Variants in POU5F2 observed in about 807,000 individuals in gnomAD.
POU5F2 encodes the protein POU domain class 5, transcription factor 2.
For synonymous variants in POU5F2, 191 were observed against 178.7 expected (o/e 1.07, Z -0.55); for missense variants, 401 against 426.6 (o/e 0.94, Z 0.53).
rs1580973104 is a variant in POU5F2 at position 93,737,816 on chromosome 5, T to C, written c.*2761A>G. 1.0e-5 allele frequency: 4 copies of C among 400,406 alleles called. No individual in the cohort carries two copies. Among genetic ancestry groups the C allele is most frequent in the Non-Finnish European group, 1.5e-5 (3 of 206,280 alleles). The allele number at this position is 400,406 out of a possible 1,614,324, so 24.8% of individuals were successfully genotyped here. A position where few individuals can be genotyped will look rare whatever the true frequency, so the allele number is the denominator to read the frequency against. The stretch of plus-strand genomic sequence containing the variant: ...AGAATGAAGTTGGGCACTTACCTCA[T>C]ACCGTATACAAAAATTAACTTGAAA... On this transcript the variant is annotated 3_prime_UTR_variant, in exon 1 of 1. Transcript: ENST00000606183.
rs1208353251 is a variant in POU5F2 at position 93,738,706 on chromosome 5, A to G, written c.*1871T>C. The G allele has an allele frequency of 6.6e-6, 1 of 152,244 alleles. No homozygotes were observed. The highest frequency in any genetic ancestry group is 1.5e-5 in the Non-Finnish European group (1 of 68,052). 9.4% of individuals were successfully genotyped at this position (152,244 alleles called of 1,614,324 possible). On this transcript the variant is annotated 3_prime_UTR_variant, in exon 1 of 1. Coordinates refer to ENST00000606183, the MANE Select transcript of POU5F2 (RefSeq NM_153216.2). The stretch of plus-strand genomic sequence containing the variant: ...GTGCTAAGTGAAATAAGCCAGATAC[A>G]AAAGGTCAAATGTTGTATGGTTCCA...
chr5:93,734,499 AC>A lies in POU5F2; in HGVS notation c.*6077del, dbSNP rs1385686667. Reference sequence around the variant, plus strand: ...ATCTTTAAAGAAAATGCACATATGTACAAAAACATTATTCTGCTTATACTCT... The same window carrying A: ...ATCTTTAAAGAAAATGCACATATGTAAAAAACATTATTCTGCTTATACTCT... On this transcript the variant is annotated 3_prime_UTR_variant, in exon 1 of 1. Transcript: ENST00000606183. The A allele has an allele frequency of 6.6e-6, 1 of 152,232 alleles. No homozygotes were observed. Among genetic ancestry groups the A allele is most frequent in the African/African-American group, 2.4e-5 (1 of 41,456 alleles). The allele number at this position is 152,232 out of a possible 1,614,324, so 9.4% of individuals were successfully genotyped here.
In POU5F2 at chr5:93,740,457, C is replaced by T. The variant is rs1748148437; in HGVS notation, c.*120G>A. ...ATTCCCTACTATGTATCCTTAACTTCTTTAGACAGTGAATGAGAAATTAAT... is the reference window on the plus strand; with the variant it reads ...ATTCCCTACTATGTATCCTTAACTTTTTTAGACAGTGAATGAGAAATTAAT... On this transcript the variant is annotated 3_prime_UTR_variant, in exon 1 of 1. Coordinates refer to ENST00000606183, the MANE Select transcript of POU5F2 (RefSeq NM_153216.2). 2 of 1,142,528 alleles carry T rather than the reference C, an allele frequency of 1.8e-6. No homozygotes were observed. The highest frequency in any genetic ancestry group is 2.5e-5 in the Admixed American group (1 of 40,228). 70.8% of individuals were successfully genotyped at this position (1,142,528 alleles called of 1,614,324 possible).
Position 93,736,349 on chromosome 5 carries a change from T to C in POU5F2, c.*4228A>G, listed in dbSNP as rs549733692. Reference sequence around the variant, plus strand: ...ATTTGTTTATAATTAAGTAATCTTTTTAAAGAGTTAGAAGAATGTAAGTGC... The same window carrying C: ...ATTTGTTTATAATTAAGTAATCTTTCTAAAGAGTTAGAAGAATGTAAGTGC... On this transcript the variant is annotated 3_prime_UTR_variant, in exon 1 of 1. Coordinates refer to ENST00000606183, the MANE Select transcript of POU5F2 (RefSeq NM_153216.2). 1.3e-5 allele frequency: 2 copies of C among 152,322 alleles called. No individual in the cohort carries two copies. The highest frequency in any genetic ancestry group is 4.8e-5 in the African/African-American group (2 of 41,576). The allele number at this position is 152,322 out of a possible 1,614,324, so 9.4% of individuals were successfully genotyped here.
rs982726450 is a variant in POU5F2 at position 93,739,803 on chromosome 5, G to A, written c.*774C>T. 6.6e-6 allele frequency: 1 copy of A among 152,068 alleles called. No individual in the cohort carries two copies. The highest frequency in any genetic ancestry group is 1.5e-5 in the Non-Finnish European group (1 of 68,026). The allele number at this position is 152,068 out of a possible 1,614,324, so 9.4% of individuals were successfully genotyped here. The stretch of plus-strand genomic sequence containing the variant: ...GAAATTCCCAGGGAACCAAATAGAG[G>A]TGAAAACAGGAGGAGTAAGCTACAG... On this transcript the variant is annotated 3_prime_UTR_variant, in exon 1 of 1. Transcript: ENST00000606183.
At chr5:93,741,548 GC>G in the POU5F2 span, 15 of 1,576,406 alleles carry the variant, frequency 9.5e-6, no homozygotes, top group Non-Finnish European at 1.3e-5. Context: ...TGGTTTGAGG[GC>G]CTGTGTCCGG....
Position 93,740,679 on chromosome 5 carries a change from T to G in POU5F2, c.885A>C (p.Gly295=). 1 of 1,613,904 alleles carries G rather than the reference T, an allele frequency of 6.2e-7. No individual in the cohort carries two copies. The highest frequency in any genetic ancestry group is 8.5e-7 in the Non-Finnish European group (1 of 1,179,860). ...CPGAPVCFHL[G]LGLPVDIPHY... ...GGGGGATATCCACTGGGAGCCCCAG[T>G]CCCAGGTGAAAGCACACTGGTGCTC... Residue 295 remains glycine (G), a synonymous_variant, in exon 1 of 1, where the codon GGA becomes GGC. Coordinates refer to ENST00000606183, the MANE Select transcript of POU5F2 (RefSeq NM_153216.2).
Position 93,741,546 on chromosome 5 carries a change from G to A in POU5F2, c.18C>T (p.Pro6=), listed in dbSNP as rs557446896. 3.8e-6 allele frequency: 6 copies of A among 1,581,902 alleles called. No homozygotes were observed. In the Admixed American group the frequency reaches 7.2e-5, roughly 19 times the overall value. MAGHR[P]SNHFCPLPGS... is the part of the protein sequence containing the mutation. ...CTGGAAGGGGGCAGAAGTGGTTTGA[G>A]GGCCTGTGTCCGGCCATGGGTGGAA... Residue 6 remains proline, a synonymous_variant, in exon 1 of 1, where the codon CCC becomes CCT. Coordinates refer to ENST00000606183, the MANE Select transcript of POU5F2 (RefSeq NM_153216.2).
chr5:93,738,662 A>G lies in POU5F2; in HGVS notation c.*1915T>C, dbSNP rs1236325053. ...ATGAAGTTCTGATACACACTACAAC[A>G]CAGATGAACCTTGAAAATGTGCTAA... is the stretch of plus-strand genomic sequence containing the variant. On this transcript the variant is annotated 3_prime_UTR_variant, in exon 1 of 1. Coordinates refer to ENST00000606183, the MANE Select transcript of POU5F2 (RefSeq NM_153216.2). 6.6e-6 allele frequency: 1 copy of G among 152,244 alleles called. No individual in the cohort carries two copies. The highest frequency in any genetic ancestry group is 1.9e-4 in the East Asian group (1 of 5,198). The allele number at this position is 152,244 out of a possible 1,614,324, so 9.4% of individuals were successfully genotyped here. A position where few individuals can be genotyped will look rare whatever the true frequency, so the allele number is the denominator to read the frequency against.
rs1747720908 is a variant in POU5F2, at chr5:93,738,577, G to A, written c.*2000C>T. 1 of 152,130 alleles carries A rather than the reference G, an allele frequency of 6.6e-6. No homozygotes were observed. Among genetic ancestry groups the A allele is most frequent in the South Asian group, 2.1e-4 (1 of 4,822 alleles). The allele number at this position is 152,130 out of a possible 1,614,324, so 9.4% of individuals were successfully genotyped here. ...TCTAAGTGCCCATCATCAGAGGAATGGATAAACAAAATGTGGTATATATCC... is the reference window on the plus strand; with the variant it reads ...TCTAAGTGCCCATCATCAGAGGAATAGATAAACAAAATGTGGTATATATCC... On this transcript the variant is annotated 3_prime_UTR_variant, in exon 1 of 1. Coordinates refer to ENST00000606183, the MANE Select transcript of POU5F2 (RefSeq NM_153216.2).
Position 93,739,291 on chromosome 5 carries a change from A to G in POU5F2, c.*1286T>C, listed in dbSNP as rs566192513. The G allele has an allele frequency of 2.6e-5, 4 of 152,276 alleles. No individual in the cohort carries two copies. In the South Asian group the frequency reaches 8.3e-4, roughly 32 times the overall value. 9.4% of individuals were successfully genotyped at this position (152,276 alleles called of 1,614,324 possible). A position where few individuals can be genotyped will look rare whatever the true frequency, so the allele number is the denominator to read the frequency against. The stretch of plus-strand genomic sequence containing the variant: ...CTAAGTACTCATCTAAAAATTATCT[A>G]AAAAAGAACAATGAAAGAAACCAGA... On this transcript the variant is annotated 3_prime_UTR_variant, in exon 1 of 1. Coordinates refer to ENST00000606183, the MANE Select transcript of POU5F2 (RefSeq NM_153216.2).
At position 93,737,885 on chromosome 5, in the gene POU5F2, T is replaced by C. The variant is rs1227083959; in HGVS notation, c.*2692A>G. ...TTAATAAATAAAACTGTAAAATTCA[T>C]AGAAGAAAACACAGGAGCAAATCTT... On this transcript the variant is annotated 3_prime_UTR_variant, in exon 1 of 1. Transcript: ENST00000606183. 6.8e-6 allele frequency: 3 copies of C among 439,968 alleles called. No individual in the cohort carries two copies. Among genetic ancestry groups the C allele is most frequent in the South Asian group, 3.3e-5 (2 of 59,844 alleles). 27.3% of individuals were successfully genotyped at this position (439,968 alleles called of 1,614,324 possible). A position where few individuals can be genotyped will look rare whatever the true frequency, so the allele number is the denominator to read the frequency against.
At position 93,737,877 on chromosome 5, in the gene POU5F2, A is replaced by G. The variant is rs1320503349; in HGVS notation, c.*2700T>C. 1 of 438,690 alleles carries G rather than the reference A, an allele frequency of 2.3e-6. No homozygotes were observed. Among genetic ancestry groups the G allele is most frequent in the Admixed American group, 2.6e-5 (1 of 38,856 alleles). The allele number at this position is 438,690 out of a possible 1,614,324, so 27.2% of individuals were successfully genotyped here. ...TCCTAAATTTAATAAATAAAACTGT[A>G]AAATTCATAGAAGAAAACACAGGAG... On this transcript the variant is annotated 3_prime_UTR_variant, in exon 1 of 1. Transcript: ENST00000606183.
rs1006013947 is a variant in POU5F2 at position 93,736,379 on chromosome 5, T to A, written c.*4198A>T. On this transcript the variant is annotated 3_prime_UTR_variant, in exon 1 of 1. Transcript: ENST00000606183. ...GAGTTAGAAGAATGTAAGTGCAGCA[T>A]TAATATTTACTTGACTTTTGTTTTT... 1 of 152,224 alleles carries A rather than the reference T, an allele frequency of 6.6e-6. No individual in the cohort carries two copies. The highest frequency in any genetic ancestry group is 2.1e-4 in the South Asian group (1 of 4,830). The allele number at this position is 152,224 out of a possible 1,614,324, so 9.4% of individuals were successfully genotyped here.
chr5:93,740,281 ATATT>A lies in POU5F2; in HGVS notation c.*292_*295del. ...ATAACCACAAGGAATAACAGACACA[ATATT>A]TAATAAAAAAAGGAACAAAATATCG... On this transcript the variant is annotated 3_prime_UTR_variant, in exon 1 of 1. Transcript: ENST00000606183. 1 of 283,888 alleles carries A rather than the reference ATATT, an allele frequency of 3.5e-6. No individual in the cohort carries two copies. The highest frequency in any genetic ancestry group is 6.6e-6 in the Non-Finnish European group (1 of 152,258). 17.6% of individuals were successfully genotyped at this position (283,888 alleles called of 1,614,324 possible). A position where few individuals can be genotyped will look rare whatever the true frequency, so the allele number is the denominator to read the frequency against.
rs1465953536 is a variant in POU5F2, at chr5:93,735,432, A to G, written c.*5145T>C. The G allele has an allele frequency of 5.9e-5, 9 of 152,250 alleles. No homozygotes were observed. Among genetic ancestry groups the G allele is most frequent in the African/African-American group, 2.2e-4 (9 of 41,450 alleles). 9.4% of individuals were successfully genotyped at this position (152,250 alleles called of 1,614,324 possible). The stretch of plus-strand genomic sequence containing the variant: ...GATGGACTCTAGGAGCTGTTCCCTG[A>G]GATTGAGAGCTCATCACAATTTCTC... On this transcript the variant is annotated 3_prime_UTR_variant, in exon 1 of 1. Coordinates refer to ENST00000606183, the MANE Select transcript of POU5F2 (RefSeq NM_153216.2).
rs1017135332 is a variant in POU5F2 at position 93,740,931 on chromosome 5, C to T, written c.633G>A (p.Lys211=). ...GTCGCTCTCTGCTTGCCCGTCTCCA[C>T]TTCCCAGACTGTTGCAGGATCATCT... is the stretch of plus-strand genomic sequence containing the variant. ...KMEMILQQSG[K]WRRASRERRI... is the part of the protein sequence containing the mutation. The change falls in exon 1 of 1, where the codon AAG becomes AAA. Residue 211 remains lysine, a synonymous_variant. Coordinates refer to ENST00000606183, the MANE Select transcript of POU5F2 (RefSeq NM_153216.2). The T allele has an allele frequency of 1.9e-6, 3 of 1,613,900 alleles. No homozygotes were observed. Among genetic ancestry groups the T allele is most frequent in the Non-Finnish European group, 2.5e-6 (3 of 1,179,894 alleles).
chr5:93,739,443 A>C lies in POU5F2; in HGVS notation c.*1134T>G, dbSNP rs1309471950. ...TACCTATAGATAAAACATTTGCAAG[A>C]CTGATCACAAAAAAAGCAAACATTG... On this transcript the variant is annotated 3_prime_UTR_variant, in exon 1 of 1. Transcript: ENST00000606183. 2 of 152,132 alleles carry C rather than the reference A, an allele frequency of 1.3e-5. No homozygotes were observed. Among genetic ancestry groups the C allele is most frequent in the Non-Finnish European group, 2.9e-5 (2 of 68,032 alleles). 9.4% of individuals were successfully genotyped at this position (152,132 alleles called of 1,614,324 possible).
chr5:93,737,818 C>T lies in POU5F2; in HGVS notation c.*2759G>A. ...AATGAAGTTGGGCACTTACCTCATA[C>T]CGTATACAAAAATTAACTTGAAATG... On this transcript the variant is annotated 3_prime_UTR_variant, in exon 1 of 1. Coordinates refer to ENST00000606183, the MANE Select transcript of POU5F2 (RefSeq NM_153216.2). 2.5e-6 allele frequency: 1 copy of T among 400,688 alleles called. No individual in the cohort carries two copies. The highest frequency in any genetic ancestry group is 4.8e-6 in the Non-Finnish European group (1 of 206,252). 24.8% of individuals were successfully genotyped at this position (400,688 alleles called of 1,614,324 possible). A position where few individuals can be genotyped will look rare whatever the true frequency, so the allele number is the denominator to read the frequency against.
Sources: allele counts gnomAD v4.1 joint callset, GRCh38; gene constraint gnomAD v4.1.1; transcripts MANE v1.5; gene names NCBI Gene and HGNC (gene_info 2026-07-23, HGNC 2026-07-21).